Variants in SUFU observed in about 807,000 individuals in gnomAD.
SUFU encodes the protein SUFU negative regulator of hedgehog signaling.
SUFU carries 7 observed loss-of-function variants against 58.9 expected under a neutral mutation model. That is an observed-to-expected ratio of 0.12 (90% CI 0.07 to 0.22). SUFU has a LOEUF of 0.22. SUFU is among the 10% of genes least tolerant of loss of function. The pLI, the probability that SUFU is intolerant of heterozygous loss-of-function variation, is 1.00. For missense variants in SUFU, 451 were observed against 641.3 expected (o/e 0.70, Z 3.20); for synonymous variants, 232 against 254.8 (o/e 0.91, Z 0.85).
rs984686101 is a variant in SUFU at position 102,628,623 on chromosome 10, G to A, written c.1365+1380G>A. Among the ~76,000 whole-genome samples the A allele has an allele frequency of 6.6e-6, 1 of 152,216 alleles. No homozygotes were observed. Among genetic ancestry groups the A allele is most frequent in the African/African-American group, 2.4e-5 (1 of 41,444 alleles). ...CAGAAGCCTGGGGGAGCAGAGGAAA[G>A]TAGGTCACTAAAAATGACTTTTTTC... On this transcript the variant is annotated intron_variant, in intron 11 of 11. Transcript: ENST00000369902. The surrounding 1 kb of genome is among the most constrained non-coding windows in gnomAD (Gnocchi z 4.5).
rs2062593861 is a variant in SUFU, at chr10:102,524,985, G to GA, written c.317+15683dup. ...CATTCAAGAGCACTTCTTCAGTTTG[G>GA]ACCCTTATTCCCATAGGAGAGGAGA... On this transcript the variant is annotated intron_variant, in intron 2 of 11. Transcript: ENST00000369902. Among the ~76,000 whole-genome samples the GA allele has an allele frequency of 4.6e-5, 7 of 152,352 alleles. No homozygotes were observed. In the South Asian group the frequency reaches 1.4e-3, roughly 32 times the overall value.
Position 102,504,114 on chromosome 10 carries a change from C to G in SUFU, c.-39C>G. 2 of 1,525,052 alleles carry G rather than the reference C, an allele frequency of 1.3e-6. No individual in the cohort carries two copies. Among genetic ancestry groups the G allele is most frequent in the Non-Finnish European group, 8.8e-7 (1 of 1,140,880 alleles). 94.5% of individuals were successfully genotyped at this position (1,525,052 alleles called of 1,614,324 possible). ...CCGTCAGTGCTCTCCCCGTCGTTTG[C>G]CCTCTCCAGTTCCCCCAGTGCCTGC... On this transcript the variant is annotated 5_prime_UTR_variant, in exon 1 of 12. Transcript: ENST00000369902.
chr10:102,595,163 T>C (rs2063448745), intron 6 of SUFU, among the ~76,000 whole-genome samples: 1 of 152,168 alleles, frequency 6.6e-6, no homozygotes, highest in Admixed American at 6.5e-5. Flanking sequence ...TTCTGTAAAA[T>C]ATCTGGTAGG....
Position 102,615,265 on chromosome 10 carries a change from C to T in SUFU, c.1023-3C>T, listed in dbSNP as rs550262133. On this transcript the variant is annotated splice_polypyrimidine_tract_variant and splice_region_variant and intron_variant, in intron 8 of 11. Coordinates refer to ENST00000369902, the MANE Select transcript of SUFU (RefSeq NM_016169.4). ...CGAACCTTTTCCTGTGCTTGCTTCACAGGAGCCGCAAAGACAGCCTGGAAA... is the reference window on the plus strand; with the variant it reads ...CGAACCTTTTCCTGTGCTTGCTTCATAGGAGCCGCAAAGACAGCCTGGAAA... The T allele has an allele frequency of 4.0e-5, 65 of 1,614,196 alleles. No individual in the cohort carries two copies. The South Asian group carries it at 7.0e-4, about 17-fold the overall frequency.
intron 7 of SUFU, among the ~76,000 whole-genome samples, 161 bp from the exon 8 acceptor site, chr10:102,599,272 C>T (rs573025235): frequency 8.5e-5 from 13 of 152,230 alleles, no homozygotes; most frequent in Non-Finnish European, 1.8e-4. Context: ...CCCTCGCAAT[C>T]TGTACTCACT....
In SUFU at chr10:102,633,105, G is replaced by A. The variant is rs532824598; in HGVS notation, c.*2950G>A. 6 of 233,278 alleles carry A rather than the reference G, an allele frequency of 2.6e-5. No homozygotes were observed. Among genetic ancestry groups the A allele is most frequent in the Non-Finnish European group, 4.2e-5 (5 of 118,074 alleles). 14.5% of individuals were successfully genotyped at this position (233,278 alleles called of 1,614,324 possible). On this transcript the variant is annotated 3_prime_UTR_variant, in exon 12 of 12. Transcript: ENST00000369902. ...CAAGCAGGGAGAAAACCTGAAGGTC[G>A]GTGCCCCTATGGGGCTGACCAGTAG...
intron 2 of SUFU, among the ~76,000 whole-genome samples, chr10:102,523,338 C>T (rs957712884): frequency 5.3e-5 from 8 of 152,236 alleles, no homozygotes; most frequent in Admixed American, 2.6e-4. Flanking sequence ...GCCCTGCCTC[C>T]GACCACCAGT....
chr10:102,576,729 A>C (rs968628222), intron 3 of SUFU, among the ~76,000 whole-genome samples: 2 of 152,210 alleles, frequency 1.3e-5, no homozygotes, highest in African/African-American at 4.8e-5. Flanking sequence ...TTTTGCAGTG[A>C]CAGGGTCTTT....
At chr10:102,504,638 A>G (rs1263703750) in intron 1 of SUFU, among the ~76,000 whole-genome samples, 4 of 79,094 alleles carry the variant, frequency 5.1e-5, no homozygotes, top group Non-Finnish European at 1.0e-4. Context: ...TGGTGAAAAG[A>G]GGGGGCGCCT....
chr10:102,603,446 T>A (rs1264568491), intron 8 of SUFU, among the ~76,000 whole-genome samples: 1 of 152,136 alleles, frequency 6.6e-6, no homozygotes, highest in African/African-American at 2.4e-5. Context: ...GCTCTCTGAG[T>A]TGTGTGCCCT....
intron 3 of SUFU, among the ~76,000 whole-genome samples, chr10:102,552,441 A>G (rs1315653857): frequency 6.6e-6 from 1 of 152,052 alleles, no homozygotes; most frequent in Non-Finnish European, 1.5e-5. Context: ...TAAAAAAAAA[A>G]TACACACACA....
intron 3 of SUFU, among the ~76,000 whole-genome samples, chr10:102,559,175 A>G (rs139059021): frequency 4.6e-5 from 7 of 152,354 alleles, no homozygotes; most frequent in African/African-American, 1.4e-4. Flanking sequence ...TATGTCCTTT[A>G]AAGATGAACC....
At chr10:102,591,336 T>TA (rs1160762368) in intron 3 of SUFU, among the ~76,000 whole-genome samples, 4 of 151,998 alleles carry the variant, frequency 2.6e-5, no homozygotes, top group Non-Finnish European at 5.9e-5. Flanking sequence ...CCACCTCTAC[T>TA]AAAAATACAA....
intron 2 of SUFU, among the ~76,000 whole-genome samples, chr10:102,512,001 T>C (rs2062405715): frequency 6.6e-6 from 1 of 152,184 alleles, no homozygotes; most frequent in African/African-American, 2.4e-5. Context: ...CGTGAACCAC[T>C]GTATTCAGCC....
At chr10:102,627,369 T>C (rs1432707946) in intron 11 of SUFU, 126 bp downstream of exon 11, 14 of 909,234 alleles carry the variant, frequency 1.5e-5, no homozygotes, top group Non-Finnish European at 2.6e-5. Flanking sequence ...TGCATGTATC[T>C]GTGTGGCTGC....
intron 8 of SUFU, among the ~76,000 whole-genome samples, chr10:102,609,043 CAAAAG>C (rs1348927214): frequency 3.9e-5 from 6 of 152,216 alleles, no homozygotes; most frequent in African/African-American, 1.4e-4. Flanking sequence ...AAAGACCACT[CAAAAG>C]AGATGGGAGT....
chr10:102,544,868 A>G (rs1414573596), intron 2 of SUFU, among the ~76,000 whole-genome samples: 2 of 152,192 alleles, frequency 1.3e-5, no homozygotes, highest in African/African-American at 2.4e-5. Context: ...GAATCATACA[A>G]TAGGTAGTCT....
Position 102,619,171 on chromosome 10 carries a change from C to T in SUFU, c.1296+1743C>T. 1 of 1,609,676 alleles carries T rather than the reference C, an allele frequency of 6.2e-7. No individual in the cohort carries two copies. Among genetic ancestry groups the T allele is most frequent in the Non-Finnish European group, 8.5e-7 (1 of 1,179,554 alleles). The stretch of plus-strand genomic sequence containing the variant: ...ATTTTCAGCAGCTCAAGAACCTTGG[C>T]CCCCACAGGACTTCGCAGATGTCAC... On this transcript the variant is annotated intron_variant, in intron 10 of 11. Transcript: ENST00000369902. This position sits in a 1 kb window ranked among gnomAD's most constrained non-coding sequence, Gnocchi z 4.2.
chr10:102,598,298 G>A (rs575331188), intron 7 of SUFU, among the ~76,000 whole-genome samples: 3 of 152,180 alleles, frequency 2.0e-5, no homozygotes, highest in South Asian at 2.1e-4. Flanking sequence ...GACTACAGGC[G>A]TGAGCCACCA....
Sources: allele counts gnomAD v4.1 joint callset (sites outside exome capture counted in the v4.1 genomes callset), GRCh38; gene constraint gnomAD v4.1.1; non-coding constraint Gnocchi (gnomAD v3.1); transcripts MANE v1.5; gene names NCBI Gene and HGNC (gene_info 2026-07-23, HGNC 2026-07-21).